Variants in CNTNAP3B observed in about 807,000 individuals in gnomAD.
CNTNAP3B encodes contactin associated protein family member 3B.
A neutral mutation model predicts 108.9 loss-of-function variants in CNTNAP3B; 25 were observed. That is an observed-to-expected ratio of 0.23 (90% CI 0.17 to 0.32). The LOEUF is 0.32. Among genes scored for constraint, CNTNAP3B ranks in the 10% least tolerant of loss-of-function variants. CNTNAP3B has a pLI of 1.00. For synonymous variants in CNTNAP3B, 103 were observed against 473.4 expected, an observed-to-expected ratio of 0.22 and a Z score of 10.16; for missense variants, 252 against 1,210.4, an observed-to-expected ratio of 0.21 and a Z score of 11.75.
At chr9:42,111,888 C>A (rs1387233074) in intron 1 of CNTNAP3B, among the ~76,000 whole-genome samples, 1 of 138,832 alleles carries the variant, frequency 7.2e-6, no homozygotes, top group East Asian at 2.2e-4. Flanking sequence ...GCCACACACA[C>A]ACCTTACATA....
intron 2 of CNTNAP3B, among the ~76,000 whole-genome samples, chr9:42,103,264 T>C (rs1304990569): frequency 6.8e-6 from 1 of 148,100 alleles, no homozygotes; most frequent in African/African-American, 2.6e-5. Flanking sequence ...AATCACAGAC[T>C]TAAGAAAAAT....
chr9:41,934,122 T>TATATATATATATATACACACACACACAC (rs1214326050), intron 14 of CNTNAP3B, among the ~76,000 whole-genome samples: 1 of 73,474 alleles, frequency 1.4e-5, no homozygotes, highest in African/African-American at 5.9e-5. Context: ...TATATATATA[T>TATATATATATATATACACACACACACAC]ACACACACAT....
intron 2 of CNTNAP3B, among the ~76,000 whole-genome samples, chr9:42,095,390 G>A (rs1408732983): frequency 7.2e-6 from 1 of 139,014 alleles, no homozygotes; most frequent in Non-Finnish European, 1.5e-5. Flanking sequence ...TGATGTACTT[G>A]GCTCTAGTAA....
intron 10 of CNTNAP3B, among the ~76,000 whole-genome samples, chr9:41,967,526 C>A (rs1415552869): frequency 6.6e-6 from 1 of 152,274 alleles, no homozygotes; most frequent in African/African-American, 2.4e-5. Flanking sequence ...CAGACTAATA[C>A]AATTAGATTT....
intron 18 of CNTNAP3B, among the ~76,000 whole-genome samples, chr9:41,913,626 T>A (rs1278783630): frequency 7.1e-6 from 1 of 140,884 alleles, no homozygotes; most frequent in Non-Finnish European, 1.5e-5. Context: ...TATCCAAAAT[T>A]TTTCATCTTC....
At chr9:41,928,202 A>T (rs1399732260) in intron 15 of CNTNAP3B, among the ~76,000 whole-genome samples, 4 of 152,356 alleles carry the variant, frequency 2.6e-5, no homozygotes, top group Admixed American at 6.5e-5. Flanking sequence ...CTGATAGAAA[A>T]CACAAAATTT....
At chr9:41,969,021 C>A (rs1184942358) in intron 10 of CNTNAP3B, among the ~76,000 whole-genome samples, 1 of 152,296 alleles carries the variant, frequency 6.6e-6, no homozygotes, top group Admixed American at 6.5e-5. Context: ...TGGTCTCGAT[C>A]TCCTGACCTC....
In CNTNAP3B at chr9:42,046,810, T is replaced by C. The variant is rs572006294; in HGVS notation, c.390+30059A>G. On this transcript the variant is annotated intron_variant, in intron 3 of 23. Transcript: ENST00000377561. ...ATAGGTAATAATGGAAGAAAATGCATTGGGTGGGGGGCTCTAACTACGTAC... is the reference window on the plus strand; with the variant it reads ...ATAGGTAATAATGGAAGAAAATGCACTGGGTGGGGGGCTCTAACTACGTAC... Among the ~76,000 whole-genome samples the C allele has an allele frequency of 8.4e-5, 8 of 95,158 alleles. 2 individuals carry two copies. The Admixed American group carries it at 8.6e-4, about 10-fold the overall frequency. 62.4% of individuals were successfully genotyped at this position (95,158 alleles called of 152,430 possible). A position where few individuals can be genotyped will look rare whatever the true frequency, so the allele number is the denominator to read the frequency against.
intron 18 of CNTNAP3B, among the ~76,000 whole-genome samples, chr9:41,917,363 A>T (rs1377232246): frequency 7.1e-6 from 1 of 141,148 alleles, no homozygotes; most frequent in Non-Finnish European, 1.5e-5. Flanking sequence ...TTAATTGCTT[A>T]CTGCCAATAT....
intron 2 of CNTNAP3B, among the ~76,000 whole-genome samples, chr9:42,084,100 C>T (rs1347316837): frequency 6.7e-6 from 1 of 149,026 alleles, no homozygotes; most frequent in Non-Finnish European, 1.5e-5. Context: ...AATGACTCAG[C>T]CTATAACCTC....
rs1827885762 is a variant in CNTNAP3B at position 42,095,754 on chromosome 9, T to C, written c.196+8875A>G. Among the ~76,000 whole-genome samples the C allele has an allele frequency of 2.2e-5, 3 of 137,592 alleles. 1 individual carries two copies. The highest frequency in any genetic ancestry group is 2.4e-4 in the South Asian group (1 of 4,238). 90.3% of individuals were successfully genotyped at this position (137,592 alleles called of 152,430 possible). A position where few individuals can be genotyped will look rare whatever the true frequency, so the allele number is the denominator to read the frequency against. On this transcript the variant is annotated intron_variant, in intron 2 of 23. Coordinates refer to ENST00000377561, the MANE Select transcript of CNTNAP3B (RefSeq NM_001201380.3). ...GCCTGTCAGTTCGTGTCTGTATTGG[T>C]CGCAGACCCTTGAAAATTCCTTCAG...
intron 2 of CNTNAP3B, among the ~76,000 whole-genome samples, chr9:42,097,163 TA>T (rs1827918583): frequency 7.1e-6 from 1 of 140,572 alleles, no homozygotes; most frequent in Middle Eastern, 3.4e-3. Context: ...TGGAAAACAT[TA>T]TTCTATGGTT....
chr9:41,962,950 G>A (rs1317141476), intron 11 of CNTNAP3B, among the ~76,000 whole-genome samples: 6 of 150,652 alleles, frequency 4.0e-5, no homozygotes, highest in South Asian at 2.1e-4. Context: ...GCAAGACTCC[G>A]TCTCAAAAAA....
In CNTNAP3B at chr9:41,969,775, G is replaced by A. The variant is rs1281744412; in HGVS notation, c.1649+299C>T. Among the ~76,000 whole-genome samples the A allele has an allele frequency of 2.2e-3, 222 of 102,456 alleles. No homozygotes were observed. The East Asian group carries it at 0.034, about 16-fold the overall frequency. 67.2% of individuals were successfully genotyped at this position (102,456 alleles called of 152,430 possible). ...TGGGACTACAGGCGCCTGCCACCAC[G>A]CCTGGCTAATTTTTTTTTTTCTGTA... On this transcript the variant is annotated intron_variant, in intron 10 of 23. Coordinates refer to ENST00000377561, the MANE Select transcript of CNTNAP3B (RefSeq NM_001201380.3).
chr9:41,943,371 G>A (rs866067484), intron 13 of CNTNAP3B, among the ~76,000 whole-genome samples: 1 of 27,850 alleles, frequency 3.6e-5, no homozygotes, highest in Non-Finnish European at 1.1e-4. Context: ...TTTTTTTTTT[G>A]AGATGGAGTC....
At position 42,129,306 on chromosome 9, in the gene CNTNAP3B, T is replaced by C. The variant is rs560298220; in HGVS notation, c.-212A>G. The C allele has an allele frequency of 0.033, 16,794 of 514,444 alleles. 1,862 individuals are homozygous for C. The highest frequency in any genetic ancestry group is 0.065 in the South Asian group (1,341 of 20,784). The allele number at this position is 514,444 out of a possible 1,614,324, so 31.9% of individuals were successfully genotyped here. A position where few individuals can be genotyped will look rare whatever the true frequency, so the allele number is the denominator to read the frequency against. On this transcript the variant is annotated 5_prime_UTR_variant, in exon 1 of 24. Transcript: ENST00000377561. ...CAAGCCGCGCCCGGCCCCAGCTGCG[T>C]CTCCGAGGTCGGCCCCGCGGGAGCC...
rs1587176222 is a variant in CNTNAP3B, at chr9:41,986,183, T to C, written c.1462A>G (p.Thr488Ala). ...LVAVLIDSGD[T>A]YYFGGCLGNS... The stretch of plus-strand genomic sequence containing the variant: ...CTTCTCTTACCTCCAAAATAATAGG[T>C]GTCACCTGAATCAATGAGCACAGCC... Residue 488 changes from threonine (T) to alanine (A), a missense_variant, in exon 9 of 24, where the codon ACC becomes GCC. Transcript: ENST00000377561. 1.8e-6 allele frequency: 2 copies of C among 1,133,906 alleles called. No homozygotes were observed. Among genetic ancestry groups the C allele is most frequent in the African/African-American group, 4.1e-5 (2 of 48,732 alleles). The allele number at this position is 1,133,906 out of a possible 1,614,324, so 70.2% of individuals were successfully genotyped here.
rs891138343 is a variant in CNTNAP3B at position 42,099,153 on chromosome 9, G to A, written c.196+5476C>T. On this transcript the variant is annotated intron_variant, in intron 2 of 23. Transcript: ENST00000377561. ...CAGAAAATTGAGAAAAAAGTTCTAA[G>A]TGATAATTGATGTCAACCTGTAAAA... 4.7e-5 allele frequency among the ~76,000 whole-genome samples: 6 copies of A among 127,222 alleles called. 1 individual carries two copies. In the East Asian group the frequency reaches 1.1e-3, roughly 23 times the overall value. 83.5% of individuals were successfully genotyped at this position (127,222 alleles called of 152,430 possible).
intron 3 of CNTNAP3B, among the ~76,000 whole-genome samples, chr9:42,071,936 G>A (rs1186028994): frequency 6.6e-6 from 1 of 150,938 alleles, no homozygotes; most frequent in African/African-American, 2.5e-5. Flanking sequence ...GGAAGGATAT[G>A]GAGATAATAA....
Sources: allele counts gnomAD v4.1 joint callset (sites outside exome capture counted in the v4.1 genomes callset), GRCh38; gene constraint gnomAD v4.1.1; transcripts MANE v1.5; gene names NCBI Gene and HGNC (gene_info 2026-07-23, HGNC 2026-07-21).